TESMIN: variants seen among roughly 807,000 people sequenced by gnomAD.
TESMIN encodes the protein CXC domain containing 2.
In TESMIN, 34 loss-of-function variants were observed where a neutral mutation model predicts 47.4. The ratio of observed to expected loss-of-function variants is 0.72; its 90% CI spans 0.55 to 0.96. The LOEUF is 0.96. Ranked by LOEUF, TESMIN falls within the 40% of genes least tolerant of loss-of-function variation. The pLI is 0.00. For missense variants in TESMIN, 610 were observed against 637.2 expected (o/e 0.96, Z 0.46); for synonymous variants, 278 against 258.9 (o/e 1.07, Z -0.71).
At chr11:68,741,697 A>T (rs1946458639) in intron 5 of TESMIN, among the ~76,000 whole-genome samples, 1 of 152,208 alleles carries the variant, frequency 6.6e-6, no homozygotes, top group Non-Finnish European at 1.5e-5. Context: ...AACGAGACAC[A>T]TATGGCCTCT....
intron 9 of TESMIN, among the ~76,000 whole-genome samples, chr11:68,708,744 A>G (rs1482712697): frequency 1.4e-5 from 2 of 145,480 alleles, no homozygotes; most frequent in African/African-American, 5.0e-5. Context: ...CAGCCTGGGC[A>G]ACAAAGTGAG....
intron 5 of TESMIN, 138 bp downstream of exon 5, chr11:68,742,180 G>T: frequency 1.6e-6 from 1 of 609,504 alleles, no homozygotes. Context: ...GGCAGGGACT[G>T]AACACTTGGT....
intron 7 of TESMIN, among the ~76,000 whole-genome samples, 155 bp from the exon 8 acceptor site, chr11:68,713,562 A>G (rs1946098515): frequency 6.6e-6 from 1 of 152,158 alleles, no homozygotes; most frequent in Non-Finnish European, 1.5e-5. Context: ...TTCTTGTTTG[A>G]TTTCCATTTG....
chr11:68,711,246 G>T (rs954581018), intron 8 of TESMIN, among the ~76,000 whole-genome samples, 197 bp from the exon 9 acceptor site: 3 of 150,964 alleles, frequency 2.0e-5, no homozygotes, highest in Admixed American at 6.6e-5. Context: ...AGTGTGTGTG[G>T]GGTGTGTGTG....
chr11:68,743,455 C>T (rs1946483515), intron 4 of TESMIN, among the ~76,000 whole-genome samples: 2 of 151,760 alleles, frequency 1.3e-5, no homozygotes, highest in East Asian at 1.9e-4. Flanking sequence ...CGCCATGGTA[C>T]CCAGGCTGGT....
intron 6 of TESMIN, among the ~76,000 whole-genome samples, chr11:68,731,370 G>A (rs1162861552): frequency 1.3e-5 from 2 of 152,010 alleles, no homozygotes; most frequent in Admixed American, 1.3e-4. Flanking sequence ...CAAGGCTGCA[G>A]TAAGCTACGA....
downstream of TESMIN, among the ~76,000 whole-genome samples, chr11:68,706,599 G>GGT (rs1946000785): frequency 6.6e-6 from 1 of 152,202 alleles, no homozygotes; most frequent in African/African-American, 2.4e-5. Flanking sequence ...GAACCCTTAA[G>GGT]GTGTGGCTGG....
In TESMIN at chr11:68,749,229, C is replaced by G. The variant is rs1323661879; in HGVS notation, c.471+961G>C. Reference sequence around the variant, plus strand: ...GCTCTATGGCTCCTCTGAGGACAAACAGAGGTCAGTGGAGGCCCCAGCCTC... The same window carrying G: ...GCTCTATGGCTCCTCTGAGGACAAAGAGAGGTCAGTGGAGGCCCCAGCCTC... On this transcript the variant is annotated intron_variant, in intron 2 of 9. Transcript: ENST00000255087. Among the ~76,000 whole-genome samples, 3 of 152,370 alleles carry G rather than the reference C, an allele frequency of 2.0e-5. No individual in the cohort carries two copies. In the East Asian group the frequency reaches 5.8e-4, roughly 29 times the overall value.
chr11:68,743,005 G>A (rs983743413), intron 4 of TESMIN, among the ~76,000 whole-genome samples: 7 of 151,780 alleles, frequency 4.6e-5, no homozygotes, highest in South Asian at 4.2e-4. Flanking sequence ...ACCCTCCCAC[G>A]TAGCTGAGAC....
At chr11:68,713,187 C>T in intron 8 of TESMIN, 83 bp downstream of exon 8, 2 of 1,353,524 alleles carry the variant, frequency 1.5e-6, no homozygotes, top group South Asian at 1.6e-5. Flanking sequence ...TTTTAAATTA[C>T]AGCAAAGTTT....
At chr11:68,731,886 T>C (rs925541950) in intron 6 of TESMIN, among the ~76,000 whole-genome samples, 11 of 152,232 alleles carry the variant, frequency 7.2e-5, no homozygotes, top group African/African-American at 1.7e-4. Flanking sequence ...CAGTGATGGA[T>C]TGATTCCAGC....
intron 6 of TESMIN, chr11:68,736,733 T>C: frequency 1.0e-6 from 1 of 976,508 alleles, no homozygotes; most frequent in Non-Finnish European, 1.2e-6. Context: ...GAAAATAATC[T>C]AGTATAGACA....
Position 68,707,921 on chromosome 11 carries a change from A to G in TESMIN, c.*387T>C. ...CATGCAGAGCAGCCTCCAGAGCAACATTCTCTGAGAGGAAGAGTCGACCAG... is the reference window on the plus strand; with the variant it reads ...CATGCAGAGCAGCCTCCAGAGCAACGTTCTCTGAGAGGAAGAGTCGACCAG... On this transcript the variant is annotated 3_prime_UTR_variant, in exon 10 of 10. Coordinates refer to ENST00000255087, the MANE Select transcript of TESMIN (RefSeq NM_004923.3). 1 of 461,946 alleles carries G rather than the reference A, an allele frequency of 2.2e-6. No individual in the cohort carries two copies. The allele number at this position is 461,946 out of a possible 1,614,324, so 28.6% of individuals were successfully genotyped here.
intron 7 of TESMIN, among the ~76,000 whole-genome samples, chr11:68,714,292 G>A (rs895156656): frequency 1.3e-5 from 2 of 152,196 alleles, no homozygotes; most frequent in African/African-American, 2.4e-5. Flanking sequence ...GCATTTTCAC[G>A]GATCACTGAA....
chr11:68,749,823 A>G lies in TESMIN; in HGVS notation c.471+367T>C, dbSNP rs557063026. On this transcript the variant is annotated intron_variant, in intron 2 of 9. Coordinates refer to ENST00000255087, the MANE Select transcript of TESMIN (RefSeq NM_004923.3). Reference sequence around the variant, plus strand: ...CACATTGCGTTTGTTTTCACAGACAATAGTTACCAGCAGACAGCGGGCCTC... The same window carrying G: ...CACATTGCGTTTGTTTTCACAGACAGTAGTTACCAGCAGACAGCGGGCCTC... 2.6e-3 allele frequency among the ~76,000 whole-genome samples: 400 copies of G among 152,244 alleles called. 1 individual carries two copies. The highest frequency in any genetic ancestry group is 3.4e-3 in the Non-Finnish European group (229 of 68,010).
At chr11:68,737,330 G>C in intron 6 of TESMIN, 1 of 985,518 alleles carries the variant, frequency 1.0e-6, no homozygotes, top group Non-Finnish European at 1.2e-6. Context: ...TACAACAGCT[G>C]AAAGAGCCAC....
At chr11:68,727,511 T>C (rs566479588) in intron 6 of TESMIN, among the ~76,000 whole-genome samples, 27 of 152,192 alleles carry the variant, frequency 1.8e-4, no homozygotes, top group Non-Finnish European at 3.1e-4. Context: ...ATAAAACCAA[T>C]TCCTGCTTTT....
At chr11:68,740,435 G>A (rs1230646626) in intron 5 of TESMIN, among the ~76,000 whole-genome samples, 10 of 152,204 alleles carry the variant, frequency 6.6e-5, no homozygotes, top group Non-Finnish European at 1.3e-4. Flanking sequence ...GTGGGGGAAG[G>A]TGGGGAGACA....
chr11:68,725,494 C>T (rs1393010810), intron 6 of TESMIN, among the ~76,000 whole-genome samples: 1 of 152,132 alleles, frequency 6.6e-6, no homozygotes, highest in Non-Finnish European at 1.5e-5. Context: ...CTTTTTGGGT[C>T]ATCCTGCCCT....
Sources: allele counts gnomAD v4.1 joint callset (sites outside exome capture counted in the v4.1 genomes callset), GRCh38; gene constraint gnomAD v4.1.1; transcripts MANE v1.5; gene names NCBI Gene and HGNC (gene_info 2026-07-23, HGNC 2026-07-21).